CHRM3: variants seen among roughly 807,000 people sequenced by gnomAD.
CHRM3 encodes muscarinic acetylcholine receptor M3.
Under a neutral mutation model 41.8 loss-of-function variants are expected in CHRM3, and 11 were observed. The observed-to-expected ratio is 0.26, with a 90% CI of 0.17 to 0.44. CHRM3 has a LOEUF of 0.44. Among genes scored for constraint, CHRM3 ranks in the 20% least tolerant of loss-of-function variants. The pLI is 1.00. For missense variants in CHRM3, 571 were observed against 745.4 expected, an observed-to-expected ratio of 0.77 and a Z score of 2.72; for synonymous variants, 297 against 301.4, an observed-to-expected ratio of 0.99 and a Z score of 0.15.
At chr1:239,835,261 T>C (rs1673217345) in intron 6 of CHRM3, among the ~76,000 whole-genome samples, 1 of 152,226 alleles carries the variant, frequency 6.6e-6, no homozygotes, top group Non-Finnish European at 1.5e-5. Context: ...TTTATACCTT[T>C]TGTTTGAAGA....
chr1:239,781,767 C>A (rs1373527492), intron 5 of CHRM3, among the ~76,000 whole-genome samples: 1 of 151,976 alleles, frequency 6.6e-6, no homozygotes, highest in African/African-American at 2.4e-5. Flanking sequence ...TGTAGATATT[C>A]CTTAAAAATT....
At chr1:239,537,994 G>T (rs188289038) in intron 2 of CHRM3, among the ~76,000 whole-genome samples, 2 of 152,146 alleles carry the variant, frequency 1.3e-5, no homozygotes, top group African/African-American at 4.8e-5. Flanking sequence ...AGTCATAAGC[G>T]CTTGGCATGT....
At chr1:239,533,775 G>A (rs1449289457) in intron 2 of CHRM3, among the ~76,000 whole-genome samples, 5 of 143,650 alleles carry the variant, frequency 3.5e-5, no homozygotes, top group Non-Finnish European at 7.5e-5. Flanking sequence ...AAAACCATCA[G>A]ATCTTGTAAG....
chr1:239,407,417 TAGAGAGAGAG>T (rs67319486), intron 1 of CHRM3, among the ~76,000 whole-genome samples: 1 of 134,122 alleles, frequency 7.5e-6, no homozygotes, highest in Non-Finnish European at 1.7e-5. Flanking sequence ...TATATATATA[TAGAGAGAGAG>T]AGAGAGAGAG....
intron 5 of CHRM3, among the ~76,000 whole-genome samples, chr1:239,698,389 G>C (rs766639541): frequency 2.0e-5 from 3 of 152,118 alleles, no homozygotes; most frequent in Non-Finnish European, 4.4e-5. Context: ...TTATTCTTTA[G>C]ATGCTGCAGG....
intron 5 of CHRM3, among the ~76,000 whole-genome samples, chr1:239,696,589 C>T (rs890991531): frequency 6.6e-6 from 1 of 152,158 alleles, no homozygotes; most frequent in Non-Finnish European, 1.5e-5. Context: ...AAAGCACCTA[C>T]AGATGAGCCT....
chr1:239,801,983 A>G (rs1670258412), intron 5 of CHRM3, among the ~76,000 whole-genome samples: 1 of 152,190 alleles, frequency 6.6e-6, no homozygotes, highest in Admixed American at 6.5e-5. Context: ...CAGCTTCAGG[A>G]TTAGCGACAG....
In CHRM3 at chr1:239,774,579, A is replaced by G. The variant is rs370350736; in HGVS notation, c.-146-52673A>G. ...CAAATAAAATTTTTTGCTCATCAAC[A>G]ATGACACACATTTCATTAAATAAAA... is the stretch of plus-strand genomic sequence containing the variant. On this transcript the variant is annotated intron_variant, in intron 5 of 6. Transcript: ENST00000676153. 2.2e-4 allele frequency among the ~76,000 whole-genome samples: 34 copies of G among 152,328 alleles called. No individual in the cohort carries two copies. In the East Asian group the frequency reaches 5.8e-3, roughly 26 times the overall value.
chr1:239,713,204 G>T (rs1661991834), intron 5 of CHRM3, among the ~76,000 whole-genome samples: 1 of 152,190 alleles, frequency 6.6e-6, no homozygotes, highest in Admixed American at 6.5e-5. Flanking sequence ...TTCCGAATTG[G>T]AAGTCAGAGA....
intron 5 of CHRM3, among the ~76,000 whole-genome samples, chr1:239,746,277 G>A (rs1665344599): frequency 1.3e-5 from 2 of 152,212 alleles, no homozygotes; most frequent in Non-Finnish European, 2.9e-5. Context: ...TAGATACTGA[G>A]TGTAAAGCCA....
chr1:239,659,768 C>A (rs923221743), intron 4 of CHRM3, among the ~76,000 whole-genome samples: 2 of 152,152 alleles, frequency 1.3e-5, no homozygotes, highest in Non-Finnish European at 2.9e-5. Flanking sequence ...TGGTACCATT[C>A]CAACATGTAT....
rs1270159825 is a variant in CHRM3 at position 239,748,647 on chromosome 1, T to TAGGA, written c.-147+70369_-147+70372dup. Among the ~76,000 whole-genome samples, 3 of 152,286 alleles carry TAGGA rather than the reference T, an allele frequency of 2.0e-5. No individual in the cohort carries two copies. The South Asian group carries it at 6.2e-4, about 32-fold the overall frequency. On this transcript the variant is annotated intron_variant, in intron 5 of 6. Transcript: ENST00000676153. The surrounding 1 kb of genome is among the most constrained non-coding windows in gnomAD (Gnocchi z 4.3). ...TCTTGCTTTCTTGTTACCTCAATGT[T>TAGGA]AGGAAGGAAGGAAAGAATGGCCAGG...
intron 6 of CHRM3, among the ~76,000 whole-genome samples, chr1:239,866,013 G>C (rs367912316): frequency 2.7e-4 from 41 of 152,126 alleles, no homozygotes; most frequent in African/African-American, 8.7e-4. Flanking sequence ...CCTGGCAACA[G>C]CTGTATGATG....
At chr1:239,805,176 G>A (rs551787563) in intron 5 of CHRM3, among the ~76,000 whole-genome samples, 1 of 152,162 alleles carries the variant, frequency 6.6e-6, no homozygotes, top group Admixed American at 6.5e-5. Flanking sequence ...TGGGAGGATG[G>A]TGTCATGCCC....
intron 3 of CHRM3, among the ~76,000 whole-genome samples, chr1:239,576,786 T>C (rs1380006676): frequency 1.4e-5 from 2 of 139,612 alleles, no homozygotes; most frequent in African/African-American, 5.9e-5. Flanking sequence ...CAAGACCCTA[T>C]CTAAAAAAAA....
At chr1:239,743,377 T>C (rs569501734) in intron 5 of CHRM3, among the ~76,000 whole-genome samples, 4 of 152,336 alleles carry the variant, frequency 2.6e-5, no homozygotes, top group Admixed American at 2.6e-4. Context: ...TCTCACACAG[T>C]GCTCAATTCA....
chr1:239,432,141 G>A (rs1662882700), intron 1 of CHRM3, among the ~76,000 whole-genome samples: 1 of 152,194 alleles, frequency 6.6e-6, no homozygotes, highest in Non-Finnish European at 1.5e-5. Flanking sequence ...TTTGTCATTT[G>A]TGGATGGTGA....
intron 2 of CHRM3, among the ~76,000 whole-genome samples, chr1:239,511,648 A>C (rs1572552053): frequency 6.6e-6 from 1 of 152,208 alleles, no homozygotes; most frequent in South Asian, 2.1e-4. Context: ...TTATATAAAG[A>C]GAAAGGTTTG....
intron 5 of CHRM3, among the ~76,000 whole-genome samples, chr1:239,821,833 G>A (rs56365647): frequency 0.19 from 28,385 of 152,066 alleles, 3,240 homozygotes; most frequent in East Asian, 0.33. Context: ...TCAAGGGCAG[G>A]ACCAGGTGGA....
Sources: allele counts gnomAD v4.1 joint callset (sites outside exome capture counted in the v4.1 genomes callset), GRCh38; gene constraint gnomAD v4.1.1; non-coding constraint Gnocchi (gnomAD v3.1); transcripts MANE v1.5; gene names NCBI Gene and HGNC (gene_info 2026-07-23, HGNC 2026-07-21).